Variants in IGF1R observed in about 807,000 individuals in gnomAD.
IGF1R encodes the protein insulin like growth factor 1 receptor, also known as insulin-like growth factor 1 receptor.
Under a neutral mutation model 144.6 loss-of-function variants are expected in IGF1R, and 44 were observed. That is an observed-to-expected ratio of 0.30 (90% CI 0.24 to 0.39). IGF1R has a LOEUF of 0.39. Ranked by LOEUF, IGF1R falls within the 10% of genes least tolerant of loss-of-function variation. The pLI is 1.00. For synonymous variants in IGF1R, 795 were observed against 722.8 expected (o/e 1.10, Z -1.60); for missense variants, 1,355 against 1,833.7 (o/e 0.74, Z 4.77).
rs2016993150 is a variant in IGF1R at position 98,956,562 on chromosome 15, A to C, written c.3723-499A>C. ...CCAGGGGTAGCCCTGCACCAGGAGG[A>C]AGCTTAGAAATAGCACAGGTGGGAA... On this transcript the variant is annotated intron_variant, in intron 20 of 20. Transcript: ENST00000650285. 2.0e-5 allele frequency among the ~76,000 whole-genome samples: 3 copies of C among 152,118 alleles called. No individual in the cohort carries two copies. In the South Asian group the frequency reaches 6.2e-4, roughly 31 times the overall value.
At chr15:98,871,577 A>G (rs1289390575) in intron 2 of IGF1R, among the ~76,000 whole-genome samples, 2 of 152,228 alleles carry the variant, frequency 1.3e-5, no homozygotes, top group African/African-American at 4.8e-5. Flanking sequence ...TACAAAAGAA[A>G]GAAGTTTATT....
At chr15:98,878,686 A>AC (rs2013196823) in intron 2 of IGF1R, among the ~76,000 whole-genome samples, 4 of 142,854 alleles carry the variant, frequency 2.8e-5, no homozygotes, top group Admixed American at 2.1e-4. Flanking sequence ...AAAAAAAAAA[A>AC]AAAAAAAAAC....
chr15:98,815,464 G>A lies in IGF1R; in HGVS notation c.641-75861G>A, dbSNP rs77899031. ...ATGAAAGCAGGCCTTTGTGTATGCCGGGCTGGGCCCATGCAAACAGGGCAC... is the reference window on the plus strand; with the variant it reads ...ATGAAAGCAGGCCTTTGTGTATGCCAGGCTGGGCCCATGCAAACAGGGCAC... On this transcript the variant is annotated intron_variant, in intron 2 of 20. Coordinates refer to ENST00000650285, the MANE Select transcript of IGF1R (RefSeq NM_000875.5). 6.5e-4 allele frequency among the ~76,000 whole-genome samples: 99 copies of A among 152,376 alleles called. No homozygotes were observed. The East Asian group carries it at 9.0e-3, about 14-fold the overall frequency.
chr15:98,882,708 C>T (rs888824077), intron 2 of IGF1R, among the ~76,000 whole-genome samples: 2 of 152,164 alleles, frequency 1.3e-5, no homozygotes, highest in African/African-American at 2.4e-5. Flanking sequence ...TAACTCCTTG[C>T]CCCTTCTGTA....
intron 19 of IGF1R, among the ~76,000 whole-genome samples, chr15:98,946,444 G>A (rs1335061522): frequency 6.6e-6 from 1 of 152,192 alleles, no homozygotes; most frequent in Non-Finnish European, 1.5e-5. Context: ...GTATACAGCT[G>A]CATTGAGCAA....
At chr15:98,852,751 C>A (rs554753663) in intron 2 of IGF1R, among the ~76,000 whole-genome samples, 3 of 152,304 alleles carry the variant, frequency 2.0e-5, no homozygotes, top group South Asian at 2.1e-4. Context: ...AAACACGTTT[C>A]CCTCCATGTC....
intron 2 of IGF1R, among the ~76,000 whole-genome samples, chr15:98,803,241 G>A (rs1001726415): frequency 6.6e-6 from 1 of 152,188 alleles, no homozygotes; most frequent in African/African-American, 2.4e-5. Context: ...CTGCAAACCC[G>A]TGGAGCATGT....
intron 2 of IGF1R, among the ~76,000 whole-genome samples, chr15:98,723,175 G>GC (rs1186042853): frequency 1.3e-5 from 2 of 151,726 alleles, no homozygotes; most frequent in Non-Finnish European, 2.9e-5. Context: ...TTTATTCCAC[G>GC]CTCCCCCACC....
At chr15:98,869,516 A>ACCTCCAC (rs1344059765) in intron 2 of IGF1R, among the ~76,000 whole-genome samples, 1 of 149,222 alleles carries the variant, frequency 6.7e-6, no homozygotes, top group Non-Finnish European at 1.5e-5. Context: ...GCTCACCGCA[A>ACCTCCAC]CCTCCACCTC....
chr15:98,691,026 C>T (rs2053463693), intron 1 of IGF1R, among the ~76,000 whole-genome samples: 2 of 152,168 alleles, frequency 1.3e-5, no homozygotes, highest in Admixed American at 6.5e-5. Flanking sequence ...CTAGAGAGAT[C>T]CCATGTACCT....
intron 1 of IGF1R, among the ~76,000 whole-genome samples, chr15:98,669,772 C>T (rs1289870529): frequency 6.6e-6 from 1 of 152,208 alleles, no homozygotes; most frequent in Non-Finnish European, 1.5e-5. Context: ...GTTCTAGCTT[C>T]CCGTGCCGAA....
chr15:98,876,746 C>T (rs1465319148), intron 2 of IGF1R, among the ~76,000 whole-genome samples: 3 of 152,056 alleles, frequency 2.0e-5, no homozygotes, highest in African/African-American at 7.2e-5. Flanking sequence ...TGGGAGTGTT[C>T]TTTGGTACAG....
intron 2 of IGF1R, among the ~76,000 whole-genome samples, chr15:98,790,817 C>G (rs145558659): frequency 1.3e-5 from 2 of 152,322 alleles, no homozygotes; most frequent in African/African-American, 4.8e-5. Flanking sequence ...GGTAAATGGA[C>G]TAAACACACA....
chr15:98,912,399 G>A (rs542756994), intron 7 of IGF1R, among the ~76,000 whole-genome samples: 5 of 152,306 alleles, frequency 3.3e-5, no homozygotes, highest in African/African-American at 1.2e-4. Context: ...TGTTTCAGAA[G>A]CCAGCGGCCA....
At chr15:98,698,038 CT>C (rs57604161) in intron 1 of IGF1R, among the ~76,000 whole-genome samples, 39,439 of 133,306 alleles carry the variant, frequency 0.3, 5,944 homozygotes, top group African/African-American at 0.41. Flanking sequence ...CCTGGCCTTC[CT>C]TTTTTTTTTT....
intron 19 of IGF1R, 117 bp downstream of exon 19, chr15:98,943,169 C>T: frequency 2.4e-6 from 3 of 1,224,920 alleles, no homozygotes; most frequent in East Asian, 4.7e-5. Flanking sequence ...CCAGCTTTAG[C>T]TCAGTGTTGT....
chr15:98,793,786 T>A (rs1298126796), intron 2 of IGF1R, among the ~76,000 whole-genome samples: 1 of 152,210 alleles, frequency 6.6e-6, no homozygotes, highest in Non-Finnish European at 1.5e-5. Context: ...AAGACTTTAT[T>A]AAGACCCTTT....
intron 2 of IGF1R, among the ~76,000 whole-genome samples, chr15:98,871,424 T>C (rs1430281921): frequency 2.6e-5 from 4 of 152,210 alleles, no homozygotes; most frequent in Non-Finnish European, 5.9e-5. Flanking sequence ...CCTGTTTCTT[T>C]ATTGGTTGTA....
chr15:98,763,803 T>C (rs1471478581), intron 2 of IGF1R, among the ~76,000 whole-genome samples: 2 of 152,210 alleles, frequency 1.3e-5, no homozygotes, highest in Non-Finnish European at 2.9e-5. Context: ...GAGTGGGTTG[T>C]CCAGGTGTGC....
Sources: allele counts gnomAD v4.1 joint callset (sites outside exome capture counted in the v4.1 genomes callset), GRCh38; gene constraint gnomAD v4.1.1; transcripts MANE v1.5; gene names NCBI Gene and HGNC (gene_info 2026-07-23, HGNC 2026-07-21).